The following TPP2 variants were observed in gnomAD, a reference collection of about 807,000 sequenced individuals.
TPP2 encodes the protein tripeptidyl-peptidase 2.
Under a neutral mutation model 155.9 loss-of-function variants are expected in TPP2, and 34 were observed. That is an observed-to-expected ratio of 0.22 (90% CI 0.17 to 0.29). TPP2 has a LOEUF of 0.29. Ranked by LOEUF, TPP2 falls within the 10% of genes least tolerant of loss-of-function variation. The pLI, the probability that TPP2 is intolerant of heterozygous loss-of-function variation, is 1.00. For missense variants in TPP2, 1,028 were observed against 1,522.3 expected, an observed-to-expected ratio of 0.68 and a Z score of 5.40; for synonymous variants, 510 against 529.4, an observed-to-expected ratio of 0.96 and a Z score of 0.50.
rs956284146 is a variant in TPP2, at chr13:102,626,905, A to G, written c.785-107A>G. On this transcript the variant is annotated intron_variant, in intron 6 of 29. Transcript: ENST00000376052. ...TTTTGCTCTCCATGAACAGGGTAGC[A>G]GAGTAATGTGTATTCTTTTTATCAT... 4.2e-6 allele frequency: 5 copies of G among 1,179,888 alleles called. No homozygotes were observed. In the South Asian group the frequency reaches 1.0e-4, roughly 23 times the overall value. 73.1% of individuals were successfully genotyped at this position (1,179,888 alleles called of 1,614,324 possible).
intron 6 of TPP2, 42 bp from the exon 7 acceptor site, chr13:102,626,970 C>G: frequency 6.9e-7 from 1 of 1,459,818 alleles, no homozygotes; most frequent in Non-Finnish European, 9.1e-7. Flanking sequence ...AACTTTCAGT[C>G]CATGAGAATG....
chr13:102,597,576 C>T (rs1365926188), intron 1 of TPP2, among the ~76,000 whole-genome samples: 2 of 152,138 alleles, frequency 1.3e-5, no homozygotes, highest in Non-Finnish European at 2.9e-5. Context: ...ACCCCCCAGG[C>T]TCCTTCCCTC....
At chr13:102,676,248 A>G (rs201234491) in intron 28 of TPP2, 48 bp from the exon 29 acceptor site, 2 of 1,478,404 alleles carry the variant, frequency 1.4e-6, no homozygotes, top group Admixed American at 2.1e-5. Flanking sequence ...TAATGCCTTA[A>G]AATGTAAATT....
At chr13:102,665,372 A>G (rs1884525224) in intron 27 of TPP2, among the ~76,000 whole-genome samples, 1 of 152,244 alleles carries the variant, frequency 6.6e-6, no homozygotes, top group Non-Finnish European at 1.5e-5. Flanking sequence ...TGATAATAAA[A>G]TTAGGTTAAA....
At chr13:102,663,813 G>T in intron 26 of TPP2, 69 bp downstream of exon 26, 1 of 1,184,378 alleles carries the variant, frequency 8.4e-7, no homozygotes, top group Non-Finnish European at 1.2e-6. Context: ...TTGAGGAAAA[G>T]TGCATTATCT....
intron 5 of TPP2, among the ~76,000 whole-genome samples, chr13:102,619,417 T>C (rs992528756): frequency 6.6e-6 from 1 of 151,214 alleles, no homozygotes; most frequent in Non-Finnish European, 1.5e-5. Context: ...TTTAGCCATA[T>C]GTGTGCTTTA....
At chr13:102,606,336 C>T (rs901455597) in intron 2 of TPP2, among the ~76,000 whole-genome samples, 2 of 152,176 alleles carry the variant, frequency 1.3e-5, no homozygotes, top group African/African-American at 4.8e-5. Context: ...CGCCTAAAAC[C>T]TTGTGTATTC....
At chr13:102,663,180 A>G (rs1884354706) in intron 25 of TPP2, among the ~76,000 whole-genome samples, 1 of 151,390 alleles carries the variant, frequency 6.6e-6, no homozygotes, top group Non-Finnish European at 1.5e-5. Context: ...ATGGAGTCTC[A>G]CTCTGTCACC....
intron 27 of TPP2, among the ~76,000 whole-genome samples, chr13:102,673,003 G>A (rs954836236): frequency 1.3e-5 from 2 of 152,180 alleles, no homozygotes; most frequent in African/African-American, 4.8e-5. Flanking sequence ...GATGAACTCT[G>A]CCAGTGTGAA....
chr13:102,678,326 C>G lies in TPP2; in HGVS notation c.*10C>G, dbSNP rs371894479. The G allele has an allele frequency of 5.6e-6, 9 of 1,601,652 alleles. No individual in the cohort carries two copies. The highest frequency in any genetic ancestry group is 6.8e-6 in the Non-Finnish European group (8 of 1,176,738). Reference sequence around the variant, plus strand: ...TTATTGCGTATTCTAAAATAGGAAACAAGACTTTAAATTTTAAAAAAGGAA... The same window carrying G: ...TTATTGCGTATTCTAAAATAGGAAAGAAGACTTTAAATTTTAAAAAAGGAA... On this transcript the variant is annotated 3_prime_UTR_variant, in exon 30 of 30. Coordinates refer to ENST00000376052, the MANE Select transcript of TPP2 (RefSeq NM_001330588.2).
chr13:102,659,064 T>C (rs1032699049), intron 25 of TPP2, among the ~76,000 whole-genome samples: 1 of 152,196 alleles, frequency 6.6e-6, no homozygotes, highest in African/African-American at 2.4e-5. Flanking sequence ...TTTGCCAGTG[T>C]GGCCTAAGGA....
At chr13:102,633,005 A>T (rs974171773) in intron 10 of TPP2, among the ~76,000 whole-genome samples, 7 of 152,240 alleles carry the variant, frequency 4.6e-5, no homozygotes, top group Non-Finnish European at 8.8e-5. Flanking sequence ...CTCTATAAAA[A>T]ATGTAAAGCC....
rs74112136 is a variant in TPP2 at position 102,639,370 on chromosome 13, G to C, written c.1914-900G>C. Among the ~76,000 whole-genome samples the C allele has an allele frequency of 4.5e-3, 686 of 152,134 alleles. 6 individuals carry two copies. Among genetic ancestry groups the C allele is most frequent in the African/African-American group, 0.016 (660 of 41,534 alleles). ...CATGAGAAACACAGGATGAAATTGA[G>C]GAGAATAAATTTAAAAAGTGGTATA... On this transcript the variant is annotated intron_variant, in intron 15 of 29. Coordinates refer to ENST00000376052, the MANE Select transcript of TPP2 (RefSeq NM_001330588.2).
chr13:102,609,956 G>T (rs2139427425), intron 2 of TPP2, among the ~76,000 whole-genome samples: 1 of 152,234 alleles, frequency 6.6e-6, no homozygotes, highest in Admixed American at 6.5e-5. Flanking sequence ...CAATGGGAGT[G>T]CTCTTATACA....
At chr13:102,604,964 C>A in intron 2 of TPP2, 43 bp downstream of exon 2, 1 of 1,596,174 alleles carries the variant, frequency 6.3e-7, no homozygotes, top group South Asian at 1.2e-5. Context: ...TTTTTTTACT[C>A]TTGCCTCAAA....
In TPP2 at chr13:102,618,152, C is replaced by T. The variant is rs1035527924; in HGVS notation, c.496-570C>T. 5.9e-5 allele frequency among the ~76,000 whole-genome samples: 9 copies of T among 152,008 alleles called. No individual in the cohort carries two copies. In the East Asian group the frequency reaches 9.6e-4, roughly 16 times the overall value. Reference sequence around the variant, plus strand: ...AGTTGTTGTCTAGTGTGTACGTAATCGAATTTAAAGCACTTGGTTTTATTC... The same window carrying T: ...AGTTGTTGTCTAGTGTGTACGTAATTGAATTTAAAGCACTTGGTTTTATTC... On this transcript the variant is annotated intron_variant, in intron 4 of 29. Transcript: ENST00000376052.
At chr13:102,631,877 A>G (rs566828942) in intron 10 of TPP2, among the ~76,000 whole-genome samples, 1 of 152,386 alleles carries the variant, frequency 6.6e-6, no homozygotes, top group South Asian at 2.1e-4. Flanking sequence ...CTGCCTCTGC[A>G]TCAGCATTGA....
chr13:102,618,689 G>A (rs770774426), intron 4 of TPP2, 33 bp from the exon 5 acceptor site: 93 of 1,610,180 alleles, frequency 5.8e-5, no homozygotes, highest in South Asian at 1.1e-5. Flanking sequence ...AGGACAGAAT[G>A]TACTAATGTT....
chr13:102,634,200 G>A, intron 11 of TPP2, 102 bp downstream of exon 11: 1 of 1,478,610 alleles, frequency 6.8e-7, no homozygotes, highest in Non-Finnish European at 9.3e-7. Flanking sequence ...AATTCCCTGG[G>A]CACAAAGTAG....
Sources: gnomAD v4.1 joint callset for allele counts (sites outside exome capture counted in the v4.1 genomes callset) on GRCh38, gnomAD v4.1.1 for gene constraint, MANE v1.5 for transcripts, NCBI Gene and HGNC (gene_info 2026-07-23, HGNC 2026-07-21) for gene names.